The following SOS2 variants were observed in gnomAD, a reference collection of about 807,000 sequenced individuals.
SOS2 encodes the protein son of sevenless homolog 2.
SOS2 carries 65 observed loss-of-function variants against 148.2 expected under a neutral mutation model. The ratio of observed to expected loss-of-function variants is 0.44; its 90% CI spans 0.36 to 0.54. The LOEUF (loss-of-function observed/expected upper bound fraction) is 0.54, where lower values mean the gene tolerates loss of function less well. Among genes scored for constraint, SOS2 ranks in the 20% least tolerant of loss-of-function variants. The probability of loss-of-function intolerance (pLI) is 0.00; values close to 1 mark genes in which losing one functional copy is unlikely to be tolerated. For missense variants in SOS2, 1,341 were observed against 1,590.2 expected (o/e 0.84, Z 2.67); for synonymous variants, 539 against 537.1 (o/e 1.00, Z -0.05).
At chr14:50,136,527 G>A (rs1884085885) in intron 18 of SOS2, among the ~76,000 whole-genome samples, 1 of 152,016 alleles carries the variant, frequency 6.6e-6, no homozygotes. Context: ...GTTCAATGGT[G>A]AGAGGGGATG....
intron 21 of SOS2, among the ~76,000 whole-genome samples, chr14:50,128,597 C>T (rs1883761206): frequency 6.6e-6 from 1 of 152,170 alleles, no homozygotes; most frequent in South Asian, 2.1e-4. Flanking sequence ...GATCAGTAAA[C>T]ATTGTCTAAA....
chr14:50,166,179 A>G (rs981330115), intron 8 of SOS2, among the ~76,000 whole-genome samples: 1 of 152,214 alleles, frequency 6.6e-6, no homozygotes, highest in African/African-American at 2.4e-5. Flanking sequence ...CTTGCTACAT[A>G]TGCTTAAAAT....
rs144391749 is a variant in SOS2, at chr14:50,134,116, G to A, written c.3075+7C>T. On this transcript the variant is annotated splice_region_variant and intron_variant, in intron 19 of 22. Coordinates refer to ENST00000216373, the MANE Select transcript of SOS2 (RefSeq NM_006939.4). ...AACACTTGTTCCCGAAATTATAAAA[G>A]ACTTACAAATCGAGGTGGCTGTTTG... 9.7e-3 allele frequency: 12,726 copies of A among 1,309,156 alleles called. 84 individuals are homozygous for A. The highest frequency in any genetic ancestry group is 0.023 in the Middle Eastern group (124 of 5,478). 81.1% of individuals were successfully genotyped at this position (1,309,156 alleles called of 1,614,324 possible).
rs545727929 is a variant in SOS2, at chr14:50,164,502, A to C, written c.1069-2893T>G. On this transcript the variant is annotated intron_variant, in intron 8 of 22. Coordinates refer to ENST00000216373, the MANE Select transcript of SOS2 (RefSeq NM_006939.4). ...AAAAATTAGCTGGACGTGGTGGTGC[A>C]TGCCTGTAATCCCAGCTACTCAGGA... is the stretch of plus-strand genomic sequence containing the variant. Among the ~76,000 whole-genome samples the C allele has an allele frequency of 3.9e-5, 6 of 152,032 alleles. No individual in the cohort carries two copies. The East Asian group carries it at 1.2e-3, about 29-fold the overall frequency.
chr14:50,117,897 G>T lies in SOS2; in HGVS notation c.*447C>A, dbSNP rs1291999387. 1.3e-5 allele frequency: 2 copies of T among 153,748 alleles called. No homozygotes were observed. The highest frequency in any genetic ancestry group is 2.4e-5 in the African/African-American group (1 of 41,468). The allele number at this position is 153,748 out of a possible 1,614,324, so 9.5% of individuals were successfully genotyped here. ...ACAATTCTCCTAGATGTAAAAACTA[G>T]AAGTAAAAACTAGAAGATGGTCAAA... On this transcript the variant is annotated 3_prime_UTR_variant, in exon 23 of 23. Transcript: ENST00000216373.
At chr14:50,155,749 T>C (rs1382434033) in intron 12 of SOS2, 2 of 152,106 alleles carry the variant, frequency 1.3e-5, no homozygotes, top group African/African-American at 4.8e-5. Context: ...AGCAAATGCT[T>C]AGAAATACAT....
intron 7 of SOS2, among the ~76,000 whole-genome samples, chr14:50,179,729 C>T (rs982935510): frequency 6.6e-6 from 1 of 152,120 alleles, no homozygotes; most frequent in Non-Finnish European, 1.5e-5. Flanking sequence ...GCCAACATAA[C>T]TTTTGTTGTT....
At chr14:50,153,868 C>T (rs1339810245) in intron 12 of SOS2, among the ~76,000 whole-genome samples, 1 of 152,202 alleles carries the variant, frequency 6.6e-6, no homozygotes, top group Non-Finnish European at 1.5e-5. Flanking sequence ...CCACCTCAGC[C>T]TCCCAAAGTG....
chr14:50,155,263 GT>G lies in SOS2; in HGVS notation c.2057+1735del, dbSNP rs1884776808. 1.3e-5 allele frequency among the ~76,000 whole-genome samples: 2 copies of G among 151,786 alleles called. 1 individual carries two copies. Among genetic ancestry groups the G allele is most frequent in the Admixed American group, 1.3e-4 (2 of 15,210 alleles). On this transcript the variant is annotated intron_variant, in intron 12 of 22. Coordinates refer to ENST00000216373, the MANE Select transcript of SOS2 (RefSeq NM_006939.4). ...AATCTTTCAATATTTATATAAACAG[GT>G]TTAATAACTTGGCTTGGATTTCACA...
At chr14:50,192,962 C>T (rs1431985523) in intron 4 of SOS2, among the ~76,000 whole-genome samples, 1 of 152,086 alleles carries the variant, frequency 6.6e-6, no homozygotes, top group Non-Finnish European at 1.5e-5. Context: ...AACTAAGCTT[C>T]CTCAGAGCAG....
intron 14 of SOS2, among the ~76,000 whole-genome samples, chr14:50,147,494 AGAGT>A (rs1474460889): frequency 6.9e-6 from 1 of 145,066 alleles, no homozygotes; most frequent in Non-Finnish European, 1.5e-5. Context: ...CCTGGGCAAC[AGAGT>A]GAGACCCTGT....
At chr14:50,193,007 G>T (rs75711124) in intron 4 of SOS2, among the ~76,000 whole-genome samples, 3,698 of 151,394 alleles carry the variant, frequency 0.024, 143 homozygotes, top group African/African-American at 0.08. Flanking sequence ...CTTTTTTTTG[G>T]TTTTTTTTGT....
At chr14:50,139,768 GA>G (rs1566823376) in intron 17 of SOS2, among the ~76,000 whole-genome samples, 173 bp downstream of exon 17, 1 of 152,128 alleles carries the variant, frequency 6.6e-6, no homozygotes, top group African/African-American at 2.4e-5. Flanking sequence ...AACCCTATGA[GA>G]TATTATAGTC....
chr14:50,142,303 C>T (rs924729199), intron 16 of SOS2, among the ~76,000 whole-genome samples: 1 of 152,042 alleles, frequency 6.6e-6, no homozygotes, highest in African/African-American at 2.4e-5. Flanking sequence ...CCACTGCCCC[C>T]GGCCTATTTC....
chr14:50,216,662 G>A (rs1887048483), intron 1 of SOS2, among the ~76,000 whole-genome samples: 1 of 152,052 alleles, frequency 6.6e-6, no homozygotes, highest in African/African-American at 2.4e-5. Context: ...TGGAACCCGG[G>A]AGGCAGAGGT....
intron 7 of SOS2, among the ~76,000 whole-genome samples, chr14:50,180,337 C>A (rs1396535324): frequency 6.9e-6 from 1 of 144,726 alleles, no homozygotes; most frequent in Non-Finnish European, 1.5e-5. Context: ...CTAGTATGTG[C>A]CAAATTCTTC....
chr14:50,138,383 A>C (rs1329919463), intron 18 of SOS2, among the ~76,000 whole-genome samples: 1 of 150,764 alleles, frequency 6.6e-6, no homozygotes, highest in Non-Finnish European at 1.5e-5. Context: ...CTGGTCTCCA[A>C]CTCCTGATCT....
intron 4 of SOS2, among the ~76,000 whole-genome samples, chr14:50,189,343 A>AAAAAAAAAAAAAAAAAAC: frequency 6.8e-6 from 1 of 146,842 alleles, no homozygotes; most frequent in Non-Finnish European, 1.5e-5. Flanking sequence ...AAAAAAAAAA[A>AAAAAAAAAAAAAAAAAAC]AAAAAGCAAG....
At chr14:50,222,608 T>C (rs540335419) in intron 1 of SOS2, among the ~76,000 whole-genome samples, 163 of 152,322 alleles carry the variant, frequency 1.1e-3, no homozygotes, top group African/African-American at 3.5e-3. Flanking sequence ...CACGTGATTA[T>C]CTGAGGGAAG....
Sources: allele counts gnomAD v4.1 joint callset (sites outside exome capture counted in the v4.1 genomes callset), GRCh38; gene constraint gnomAD v4.1.1; transcripts MANE v1.5; gene names NCBI Gene and HGNC (gene_info 2026-07-23, HGNC 2026-07-21).